MALRD1: variants seen among roughly 807,000 people sequenced by gnomAD.
The protein encoded by MALRD1 is MAM and LDL-receptor class A domain-containing protein 1.
Under a neutral mutation model 242.1 loss-of-function variants are expected in MALRD1, and 247 were observed. The ratio of observed to expected loss-of-function variants is 1.02; its 90% CI spans 0.92 to 1.13. The LOEUF (loss-of-function observed/expected upper bound fraction) is 1.13, where lower values mean the gene tolerates loss of function less well. Ranked by LOEUF, MALRD1 falls within the 50% of genes most tolerant of loss-of-function variation. The pLI is 0.00. For synonymous variants in MALRD1, 995 were observed against 866.6 expected, an observed-to-expected ratio of 1.15 and a Z score of -2.60; for missense variants, 2,989 against 2,533.1, an observed-to-expected ratio of 1.18 and a Z score of -3.86.
chr10:19,061,031 C>G (rs1834808436), intron 1 of MALRD1, among the ~76,000 whole-genome samples: 1 of 152,182 alleles, frequency 6.6e-6, no homozygotes, highest in Non-Finnish European at 1.5e-5. Flanking sequence ...GAAAACCAAA[C>G]ACCACATGTT....
rs1335188776 is a variant in MALRD1 at position 19,491,537 on chromosome 10, T to G, written c.5050T>G (p.Cys1684Gly). The G allele has an allele frequency of 6.5e-7, 1 of 1,550,126 alleles. No homozygotes were observed. Among genetic ancestry groups the G allele is most frequent in the Non-Finnish European group, 8.7e-7 (1 of 1,146,818 alleles). ...CCTAGTGGGAGAGATCTCTGAGCTT[T>G]GTCCGGAAATCACTGATTTTTTGTG... ...CTTVGEISEL[C>G]PEITDFLCRD... The change falls in exon 30 of 40, where the codon TGT becomes GGT. Residue 1684 changes from cysteine to glycine, a missense_variant. Transcript: ENST00000454679.
At chr10:19,417,209 G>A (rs187061048) in intron 28 of MALRD1, among the ~76,000 whole-genome samples, 1 of 152,156 alleles carries the variant, frequency 6.6e-6, no homozygotes, top group African/African-American at 2.4e-5. Context: ...GTCTCTCTGG[G>A]TCATTGTATC....
intron 18 of MALRD1, among the ~76,000 whole-genome samples, chr10:19,237,307 C>G (rs980478392): frequency 4.0e-5 from 6 of 150,956 alleles, no homozygotes; most frequent in African/African-American, 1.5e-4. Flanking sequence ...TTCTTCCTCA[C>G]TGTTTGGTAA....
At chr10:19,394,362 T>C (rs1293788449) in intron 28 of MALRD1, among the ~76,000 whole-genome samples, 1 of 152,234 alleles carries the variant, frequency 6.6e-6, no homozygotes, top group Non-Finnish European at 1.5e-5. Context: ...TCAGTTTTTC[T>C]GAATTCTAAC....
chr10:19,719,193 T>TATAC (rs1444949454), intron 38 of MALRD1, among the ~76,000 whole-genome samples: 10 of 64,302 alleles, frequency 1.6e-4, no homozygotes, highest in African/African-American at 1.1e-3. Context: ...TATATATACA[T>TATAC]ACATATATAT....
At chr10:19,555,733 C>T (rs556683897) in intron 32 of MALRD1, among the ~76,000 whole-genome samples, 3 of 152,018 alleles carry the variant, frequency 2.0e-5, no homozygotes, top group Non-Finnish European at 4.4e-5. Flanking sequence ...TCTAAAGTGC[C>T]CCCTTTGATA....
At chr10:19,187,167 A>G (rs780491531) in intron 14 of MALRD1, among the ~76,000 whole-genome samples, 2 of 152,188 alleles carry the variant, frequency 1.3e-5, no homozygotes, top group African/African-American at 2.4e-5. Flanking sequence ...TGCACAAACT[A>G]ATTTATAGCT....
At chr10:19,052,233 T>C (rs540874535) in intron 1 of MALRD1, 9 of 245,470 alleles carry the variant, frequency 3.7e-5, no homozygotes, top group African/African-American at 2.1e-4. Flanking sequence ...TTTCCCCCCA[T>C]TCAATTTAAG....
intron 26 of MALRD1, among the ~76,000 whole-genome samples, chr10:19,360,664 T>C (rs941718437): frequency 2.0e-5 from 3 of 152,116 alleles, no homozygotes; most frequent in Non-Finnish European, 4.4e-5. Context: ...ATTTTTAATA[T>C]ACTTAAATTG....
chr10:19,258,924 A>C (rs75125419), intron 19 of MALRD1, among the ~76,000 whole-genome samples: 2,318 of 152,146 alleles, frequency 0.015, 62 homozygotes, highest in African/African-American at 0.053. Flanking sequence ...TGCTTATTCC[A>C]TATTAACAAA....
At chr10:19,185,254 A>T (rs1835687728) in intron 14 of MALRD1, among the ~76,000 whole-genome samples, 1 of 152,228 alleles carries the variant, frequency 6.6e-6, no homozygotes, top group African/African-American at 2.4e-5. Context: ...AAATTTACTT[A>T]AGCAGCTCTG....
rs187062749 is a variant in MALRD1 at position 19,322,099 on chromosome 10, A to T, written c.3420-1850A>T. Among the ~76,000 whole-genome samples the T allele has an allele frequency of 9.5e-4, 145 of 152,244 alleles. 3 individuals are homozygous for T. The highest frequency in any genetic ancestry group is 2.1e-4 in the Non-Finnish European group (14 of 67,996). On this transcript the variant is annotated intron_variant, in intron 21 of 39. Transcript: ENST00000454679. ...AGCACATTGAAATAATTTTCAATGAAGTATAAAATTATAATAATCCTGACA... is the reference window on the plus strand; with the variant it reads ...AGCACATTGAAATAATTTTCAATGATGTATAAAATTATAATAATCCTGACA...
chr10:19,167,831 G>C (rs1834764167), intron 13 of MALRD1, among the ~76,000 whole-genome samples: 1 of 152,144 alleles, frequency 6.6e-6, no homozygotes, highest in African/African-American at 2.4e-5. Flanking sequence ...GTAAGTAACA[G>C]CAATGTTACT....
chr10:19,692,716 C>T (rs1009833959), intron 38 of MALRD1, among the ~76,000 whole-genome samples, 162 bp downstream of exon 38: 1 of 150,848 alleles, frequency 6.6e-6, no homozygotes, highest in Non-Finnish European at 1.5e-5. Flanking sequence ...AGAGGAGCTA[C>T]CTAACAAGAA....
At chr10:19,148,782 A>ATATATATAT (rs1363943174) in intron 11 of MALRD1, among the ~76,000 whole-genome samples, 1 of 80,866 alleles carries the variant, frequency 1.2e-5, no homozygotes, top group African/African-American at 5.0e-5. Context: ...TTAAAAAAAA[A>ATATATATAT]AAAAAAATAT....
In MALRD1 at chr10:19,204,296, T is replaced by TA; in HGVS notation, c.2105-12_2105-11insA. The TA allele has an allele frequency of 1.3e-6, 2 of 1,491,878 alleles. No homozygotes were observed. The highest frequency in any genetic ancestry group is 1.8e-6 in the Non-Finnish European group (2 of 1,116,978). The allele number at this position is 1,491,878 out of a possible 1,614,324, so 92.4% of individuals were successfully genotyped here. ...TTAATGAAGCGTTTTTTTTTTTTTT[T>TA]TATCTCAACAGGGCATTTTATGTTC... On this transcript the variant is annotated splice_polypyrimidine_tract_variant and intron_variant, in intron 15 of 39. Transcript: ENST00000454679.
chr10:19,308,331 A>G (rs1384129604), intron 21 of MALRD1, among the ~76,000 whole-genome samples: 2 of 151,442 alleles, frequency 1.3e-5, no homozygotes, highest in Middle Eastern at 3.2e-3. Flanking sequence ...TTGCATTGGG[A>G]ACATTCAATA....
At chr10:19,374,442 G>A (rs567984246) in intron 26 of MALRD1, among the ~76,000 whole-genome samples, 16 of 152,270 alleles carry the variant, frequency 1.1e-4, no homozygotes, top group African/African-American at 3.8e-4. Context: ...ACTATAGGCT[G>A]CTTTCTGCAA....
chr10:19,638,711 T>G (rs1340892478), intron 36 of MALRD1, among the ~76,000 whole-genome samples: 1 of 152,168 alleles, frequency 6.6e-6, no homozygotes, highest in Non-Finnish European at 1.5e-5. Context: ...GCAATGATTA[T>G]GGCATGTATT....
Sources: gnomAD v4.1 joint callset for allele counts (sites outside exome capture counted in the v4.1 genomes callset) on GRCh38, gnomAD v4.1.1 for gene constraint, MANE v1.5 for transcripts, NCBI Gene and HGNC (gene_info 2026-07-23, HGNC 2026-07-21) for gene names.